The following PROSER3 variants were observed in gnomAD, a reference collection of about 807,000 sequenced individuals.
PROSER3 encodes proline and serine-rich protein 3.
Under a neutral mutation model 50.2 loss-of-function variants are expected in PROSER3, and 33 were observed. The observed-to-expected ratio is 0.66, with a 90% CI of 0.50 to 0.88. The LOEUF (loss-of-function observed/expected upper bound fraction) is 0.88, where lower values mean the gene tolerates loss of function less well. Ranked by LOEUF, PROSER3 falls within the 40% of genes least tolerant of loss-of-function variation. PROSER3 has a pLI of 0.00. For synonymous variants in PROSER3, 266 were observed against 259.3 expected, an observed-to-expected ratio of 1.03 and a Z score of -0.25; for missense variants, 623 against 612.7, an observed-to-expected ratio of 1.02 and a Z score of -0.18.
At chr19:35,768,295 C>T (rs1971240999) in intron 10 of PROSER3, 59 bp downstream of exon 10, 2 of 1,584,082 alleles carry the variant, frequency 1.3e-6, no homozygotes, top group African/African-American at 1.3e-5. Context: ...CTCTGAGACC[C>T]GGTTAGGCAT....
chr19:35,768,276 C>T (rs1362375351), intron 10 of PROSER3, 40 bp downstream of exon 10: 1 of 1,594,272 alleles, frequency 6.3e-7, no homozygotes, highest in Non-Finnish European at 8.6e-7. Flanking sequence ...GACACTGGGC[C>T]CCGGAGACCT....
At chr19:35,759,243 C>A in intron 1 of PROSER3, 131 bp from the exon 2 acceptor site, 1 of 735,154 alleles carries the variant, frequency 1.4e-6, no homozygotes. Context: ...TGCAACGGTG[C>A]TTCATGGAAA....
intron 3 of PROSER3, 113 bp from the exon 4 acceptor site, chr19:35,761,906 G>A (rs556914311): frequency 7.2e-6 from 9 of 1,241,608 alleles, no homozygotes; most frequent in African/African-American, 1.5e-5. Context: ...AGATATTGAG[G>A]GATAGCTACC....
intron 1 of PROSER3, 114 bp downstream of exon 1, chr19:35,758,340 C>A: frequency 7.5e-7 from 1 of 1,337,132 alleles, no homozygotes; most frequent in Non-Finnish European, 9.9e-7. Context: ...CTCCACCGCA[C>A]TGGAACTACA....
chr19:35,768,351 G>C, intron 10 of PROSER3, 53 bp from the exon 11 acceptor site: 2 of 1,582,212 alleles, frequency 1.3e-6, no homozygotes, highest in Non-Finnish European at 1.7e-6. Context: ...CACAGCCCCA[G>C]ATTCTAAGCC....
exon 4 of PROSER3, chr19:35,762,052 C>T (rs890762909): frequency 6.2e-7 from 1 of 1,610,610 alleles, no homozygotes; most frequent in Middle Eastern, 1.7e-4. Flanking sequence ...CTCAGCCCAC[C>T]AGTCGAGAGG....
intron 5 of PROSER3, among the ~76,000 whole-genome samples, chr19:35,763,499 C>A (rs1018726456): frequency 1.3e-5 from 2 of 151,154 alleles, no homozygotes; most frequent in African/African-American, 4.9e-5. Flanking sequence ...AACCACCAAG[C>A]CCGGCCTTTT....
exon 11 of PROSER3, chr19:35,769,152 C>T (rs998046917): frequency 6.6e-6 from 1 of 152,198 alleles, no homozygotes; most frequent in Non-Finnish European, 1.5e-5. Context: ...TCTGATAATC[C>T]TCAAATTTCT....
In PROSER3 at chr19:35,762,164, A is replaced by G. The variant is rs1970974343; in HGVS notation, c.439+18A>G. 6.3e-7 allele frequency: 1 copy of G among 1,591,018 alleles called. No individual in the cohort carries two copies. The highest frequency in any genetic ancestry group is 1.3e-5 in the African/African-American group (1 of 74,684). ...TGCAGCAGGTACCTCTTTCAGTGCC[A>G]TCCACTACTCCCACCCCTAAACCTT... On this transcript the variant is annotated intron_variant, in intron 4 of 10. Coordinates refer to ENST00000396908, the Ensembl canonical transcript of PROSER3.
chr19:35,768,602 CT>C, exon 11 of PROSER3: 2 of 1,504,842 alleles, frequency 1.3e-6, no homozygotes, highest in South Asian at 2.6e-5. Context: ...CATACAGTTA[CT>C]GGTTATCTGT....
At chr19:35,765,911 C>T (rs1375694743) in intron 7 of PROSER3, among the ~76,000 whole-genome samples, 10 of 152,060 alleles carry the variant, frequency 6.6e-5, no homozygotes, top group African/African-American at 1.9e-4. Flanking sequence ...GAGAATGCAC[C>T]GTGCGATACA....
At chr19:35,765,145 C>T in exon 7 of PROSER3, 1 of 1,613,858 alleles carries the variant, frequency 6.2e-7, no homozygotes, top group Non-Finnish European at 8.5e-7. Context: ...TCATCCCTGA[C>T]TCCAGCAAGG....
intron 1 of PROSER3, chr19:35,758,588 A>G (rs1970847695): frequency 3.5e-6 from 1 of 287,932 alleles, no homozygotes; most frequent in Non-Finnish European, 6.4e-6. Context: ...TGGGGCTTGT[A>G]GTCCATCTAC....
At chr19:35,767,289 T>C in intron 8 of PROSER3, 2 of 294,412 alleles carry the variant, frequency 6.8e-6, no homozygotes, top group Non-Finnish European at 6.3e-6. Flanking sequence ...CTTGGGGCTG[T>C]TCCTCCCACG....
At chr19:35,763,608 A>G (rs532757347) in intron 5 of PROSER3, among the ~76,000 whole-genome samples, 35 of 139,872 alleles carry the variant, frequency 2.5e-4, no homozygotes, top group Admixed American at 6.8e-4. Flanking sequence ...GGTTCACGCC[A>G]TTCTCCTGCC....
rs1252667427 is a variant in PROSER3 at position 35,760,197 on chromosome 19, GTTTC to G, written c.311+210_311+213del. Reference sequence around the variant, plus strand: ...AACTCTCTGTATGATCTTGGCCTCAGTTTCTTTATCTCTTTTTATTTATTTATTT... The same window carrying G: ...AACTCTCTGTATGATCTTGGCCTCAGTTTATCTCTTTTTATTTATTTATTT... On this transcript the variant is annotated intron_variant, in intron 3 of 10. Transcript: ENST00000396908. Among the ~76,000 whole-genome samples the G allele has an allele frequency of 5.3e-5, 8 of 152,222 alleles. No homozygotes were observed. In the South Asian group the frequency reaches 6.2e-4, roughly 12 times the overall value.
At chr19:35,766,854 A>T in exon 8 of PROSER3, 1 of 1,551,638 alleles carries the variant, frequency 6.4e-7, no homozygotes, top group Non-Finnish European at 8.7e-7. Context: ...AGAGGATGAC[A>T]TTCTGTACCA....
exon 4 of PROSER3, chr19:35,762,083 A>G: frequency 6.2e-7 from 1 of 1,611,550 alleles, no homozygotes; most frequent in Non-Finnish European, 8.5e-7. Context: ...TGCAGGCCCA[A>G]CCCCAGCTGA....
chr19:35,758,196 A>AGC (rs1467923791), exon 1 of PROSER3: 1 of 1,559,124 alleles, frequency 6.4e-7, no homozygotes, highest in East Asian at 2.4e-5. Context: ...AGCGGCCGGA[A>AGC]GCGCGGAGGG....
Sources: allele counts gnomAD v4.1 joint callset (sites outside exome capture counted in the v4.1 genomes callset), GRCh38; gene constraint gnomAD v4.1.1; transcripts MANE v1.5; gene names NCBI Gene and HGNC (gene_info 2026-07-23, HGNC 2026-07-21).